NDST3: variants seen among roughly 807,000 people sequenced by gnomAD.
The protein encoded by NDST3 is N-deacetylase and N-sulfotransferase 3.
In NDST3, 58 loss-of-function variants were observed where a neutral mutation model predicts 96.1. The observed-to-expected ratio is 0.60, with a 90% CI of 0.49 to 0.75. The LOEUF is 0.75. NDST3 is among the 30% of genes least tolerant of loss of function. The probability of loss-of-function intolerance (pLI) is 0.00; values close to 1 mark genes in which losing one functional copy is unlikely to be tolerated. For missense variants in NDST3, 788 were observed against 1,034.2 expected, an observed-to-expected ratio of 0.76 and a Z score of 3.27; for synonymous variants, 333 against 359.7, an observed-to-expected ratio of 0.93 and a Z score of 0.84.
chr4:118,072,309 T>C (rs1727145729), intron 2 of NDST3, among the ~76,000 whole-genome samples: 1 of 152,140 alleles, frequency 6.6e-6, no homozygotes, highest in Admixed American at 6.6e-5. Context: ...AATCTGTAAA[T>C]TGCTTTGGGC....
At chr4:118,156,929 T>A (rs1578740537) in intron 6 of NDST3, among the ~76,000 whole-genome samples, 1 of 152,212 alleles carries the variant, frequency 6.6e-6, no homozygotes, top group South Asian at 2.1e-4. Context: ...GCTGCAGAAA[T>A]TCTACCTTTA....
At chr4:118,198,128 G>C (rs1296281453) in intron 6 of NDST3, among the ~76,000 whole-genome samples, 3 of 151,986 alleles carry the variant, frequency 2.0e-5, no homozygotes, top group Admixed American at 2.0e-4. Flanking sequence ...CAGCTACTCT[G>C]TGTCCTTTGA....
intron 12 of NDST3, 86 bp downstream of exon 12, chr4:118,242,235 G>T: frequency 3.5e-6 from 3 of 853,778 alleles, no homozygotes; most frequent in South Asian, 3.3e-5. Flanking sequence ...CAACTGTCAG[G>T]TTACTTGTTC....
intron 10 of NDST3, among the ~76,000 whole-genome samples, chr4:118,238,831 C>T (rs1371772348): frequency 2.0e-5 from 3 of 152,194 alleles, no homozygotes; most frequent in Admixed American, 6.5e-5. Context: ...GAAAGGCTGT[C>T]GCAGAGAAGC....
At chr4:118,057,957 G>C (rs1269589112) in intron 2 of NDST3, among the ~76,000 whole-genome samples, 1 of 151,962 alleles carries the variant, frequency 6.6e-6, no homozygotes, top group African/African-American at 2.4e-5. Flanking sequence ...GAGTTAGATA[G>C]GGTGACCTAA....
At chr4:118,069,101 A>G (rs1726832097) in intron 2 of NDST3, among the ~76,000 whole-genome samples, 1 of 151,586 alleles carries the variant, frequency 6.6e-6, no homozygotes, top group South Asian at 2.1e-4. Context: ...AAAGTAATGA[A>G]AGGTACATTG....
Position 118,151,069 on chromosome 4 carries a change from G to C in NDST3, c.1539+7385G>C, listed in dbSNP as rs11932297. The stretch of plus-strand genomic sequence containing the variant: ...ATACTATGCAGCCATAAAAAATGAT[G>C]AGTTCATGTCCTTTGTAGGGACATG... On this transcript the variant is annotated intron_variant, in intron 6 of 13. Transcript: ENST00000296499. Among the ~76,000 whole-genome samples the C allele has an allele frequency of 4.9e-3, 743 of 152,190 alleles. 7 individuals are homozygous for C. Among genetic ancestry groups the C allele is most frequent in the African/African-American group, 0.017 (712 of 41,496 alleles).
intron 2 of NDST3, among the ~76,000 whole-genome samples, chr4:118,062,746 A>C (rs899399358): frequency 6.6e-6 from 1 of 152,144 alleles, no homozygotes; most frequent in African/African-American, 2.4e-5. Flanking sequence ...TTACATTGTG[A>C]AATGGAATGT....
At chr4:118,147,869 G>C (rs756456767) in intron 6 of NDST3, among the ~76,000 whole-genome samples, 6 of 152,136 alleles carry the variant, frequency 3.9e-5, no homozygotes, top group Non-Finnish European at 8.8e-5. Context: ...TTATGCACTT[G>C]TTGAATAAAT....
intron 4 of NDST3, among the ~76,000 whole-genome samples, chr4:118,117,123 C>A (rs1263600753): frequency 6.6e-6 from 1 of 152,176 alleles, no homozygotes; most frequent in Admixed American, 6.5e-5. Flanking sequence ...AGAAATAAGA[C>A]CAAATATATT....
At chr4:118,038,384 A>G (rs900640162) in intron 1 of NDST3, among the ~76,000 whole-genome samples, 3 of 152,206 alleles carry the variant, frequency 2.0e-5, no homozygotes, top group Non-Finnish European at 4.4e-5. Flanking sequence ...TCTAATACAA[A>G]GATGGAGGGA....
intron 10 of NDST3, among the ~76,000 whole-genome samples, chr4:118,238,154 GAAAAGAAAGAAA>G (rs202164571): frequency 0.021 from 1,485 of 72,062 alleles, 42 homozygotes; most frequent in Middle Eastern, 0.074. Context: ...AGAAAAGAAA[GAAAAGAAAGAAA>G]GAAAGAAAGA....
intron 2 of NDST3, among the ~76,000 whole-genome samples, chr4:118,093,370 T>G (rs1729036892): frequency 6.6e-6 from 1 of 151,920 alleles, no homozygotes. Flanking sequence ...TGATGCATAG[T>G]AAGCACTCAA....
chr4:118,238,146 A>AG (rs1560738419), intron 10 of NDST3, among the ~76,000 whole-genome samples: 3 of 83,734 alleles, frequency 3.6e-5, no homozygotes, highest in Non-Finnish European at 6.0e-5. Context: ...AGAGAGAGAG[A>AG]AAAGAAAGAA....
rs72674138 is a variant in NDST3 at position 118,074,666 on chromosome 4, T to C, written c.981+19775T>C. Among the ~76,000 whole-genome samples the C allele has an allele frequency of 5.6e-3, 857 of 152,290 alleles. 3 individuals are homozygous for C. Among genetic ancestry groups the C allele is most frequent in the Admixed American group, 0.013 (200 of 15,284 alleles). ...GTGAGATGTGTCCTTGAAGACTGCA[T>C]ACAGTTGGGTCTTGCTTCTTTATCC... On this transcript the variant is annotated intron_variant, in intron 2 of 13. Transcript: ENST00000296499.
intron 8 of NDST3, among the ~76,000 whole-genome samples, chr4:118,228,766 C>T (rs1374394061): frequency 2.0e-5 from 3 of 152,138 alleles, no homozygotes; most frequent in African/African-American, 7.2e-5. Context: ...ACCACATCCC[C>T]AGCCACAAGC....
At chr4:118,075,322 A>G (rs1339916202) in intron 2 of NDST3, among the ~76,000 whole-genome samples, 1 of 152,126 alleles carries the variant, frequency 6.6e-6, no homozygotes, top group Non-Finnish European at 1.5e-5. Flanking sequence ...GGTTGGTTCC[A>G]TGTCTTTGCT....
intron 6 of NDST3, among the ~76,000 whole-genome samples, chr4:118,150,518 A>G (rs1157355219): frequency 6.6e-6 from 1 of 151,686 alleles, no homozygotes; most frequent in African/African-American, 2.4e-5. Context: ...AGAATCTACA[A>G]TGAACTCAAA....
chr4:118,232,937 C>A (rs41278063), intron 8 of NDST3, 75 bp from the exon 9 acceptor site: 35,648 of 1,363,500 alleles, frequency 0.026, 673 homozygotes, highest in African/African-American at 0.082. Flanking sequence ...AATATTTATT[C>A]ATGACTTTAA....
Sources: allele counts gnomAD v4.1 joint callset (sites outside exome capture counted in the v4.1 genomes callset), GRCh38; gene constraint gnomAD v4.1.1; transcripts MANE v1.5; gene names NCBI Gene and HGNC (gene_info 2026-07-23, HGNC 2026-07-21).